SLAIN2: variants seen among roughly 807,000 people sequenced by gnomAD.
SLAIN2 encodes SLAIN motif-containing protein 2.
A neutral mutation model predicts 56.6 loss-of-function variants in SLAIN2; 31 were observed. That is an observed-to-expected ratio of 0.55 (90% CI 0.41 to 0.74). SLAIN2 has a LOEUF of 0.74. Ranked by LOEUF, SLAIN2 falls within the 30% of genes least tolerant of loss-of-function variation. SLAIN2 has a pLI of 0.00. For synonymous variants in SLAIN2, 317 were observed against 284.9 expected (o/e 1.11, Z -1.13); for missense variants, 777 against 754.2 (o/e 1.03, Z -0.35).
chr4:48,391,673 C>G (rs967560772), intron 6 of SLAIN2, among the ~76,000 whole-genome samples: 6 of 152,036 alleles, frequency 3.9e-5, no homozygotes, highest in African/African-American at 1.4e-4. Flanking sequence ...ATAGGGAGAC[C>G]ACAAAAAACA....
chr4:48,414,389 C>A (rs1716943251), intron 6 of SLAIN2, among the ~76,000 whole-genome samples: 1 of 152,048 alleles, frequency 6.6e-6, no homozygotes, highest in Admixed American at 6.5e-5. Flanking sequence ...GATAAGAAAG[C>A]CACAGATAAG....
At chr4:48,382,316 G>C (rs1342477193) in intron 4 of SLAIN2, among the ~76,000 whole-genome samples, 1 of 152,014 alleles carries the variant, frequency 6.6e-6, no homozygotes, top group African/African-American at 2.4e-5. Context: ...ACAGATTTCA[G>C]CTTTAAGAAG....
At chr4:48,409,304 A>G (rs1265706521) in intron 6 of SLAIN2, among the ~76,000 whole-genome samples, 1 of 151,960 alleles carries the variant, frequency 6.6e-6, no homozygotes, top group African/African-American at 2.4e-5. Flanking sequence ...TTTGGTATCC[A>G]TTAACCATCT....
At chr4:48,397,881 A>G (rs191753109) in intron 6 of SLAIN2, among the ~76,000 whole-genome samples, 34 of 152,192 alleles carry the variant, frequency 2.2e-4, no homozygotes, top group African/African-American at 8.2e-4. Context: ...TATATGTACC[A>G]CATTTTCTTT....
rs375763296 is a variant in SLAIN2, at chr4:48,421,174, C to G, written c.1679+731C>G. 2.4e-3 allele frequency among the ~76,000 whole-genome samples: 372 copies of G among 152,100 alleles called. 1 individual carries two copies. The highest frequency in any genetic ancestry group is 8.6e-3 in the African/African-American group (356 of 41,508). On this transcript the variant is annotated intron_variant, in intron 7 of 7. Coordinates refer to ENST00000264313, the MANE Select transcript of SLAIN2 (RefSeq NM_020846.2). ...GGGACTACAGGCGCACACCACCATG[C>G]CTGGCTAATTTTTGTAGAGATGGGG...
intron 5 of SLAIN2, among the ~76,000 whole-genome samples, 187 bp downstream of exon 5, chr4:48,383,114 G>A (rs1400606741): frequency 6.8e-6 from 1 of 147,572 alleles, no homozygotes; most frequent in Non-Finnish European, 1.5e-5. Context: ...GCTACAGTGA[G>A]CTGTGATCAC....
intron 1 of SLAIN2, among the ~76,000 whole-genome samples, chr4:48,357,828 T>C (rs1715201579): frequency 6.6e-6 from 1 of 152,156 alleles, no homozygotes; most frequent in Non-Finnish European, 1.5e-5. Flanking sequence ...GTGCTGGGAT[T>C]ACAGGCATGA....
chr4:48,364,759 G>T (rs1343151223), intron 1 of SLAIN2, among the ~76,000 whole-genome samples: 1 of 139,266 alleles, frequency 7.2e-6, no homozygotes, highest in Non-Finnish European at 1.6e-5. Flanking sequence ...CAGGCACTCC[G>T]CAGGCTGAGG....
At chr4:48,412,406 ACAC>A (rs1716885699) in intron 6 of SLAIN2, among the ~76,000 whole-genome samples, 2 of 53,380 alleles carry the variant, frequency 3.7e-5, no homozygotes, top group African/African-American at 1.2e-4. Context: ...ACACACACAC[ACAC>A]ACACACATTC....
chr4:48,349,040 C>A (rs919570628), intron 1 of SLAIN2, among the ~76,000 whole-genome samples: 1 of 152,162 alleles, frequency 6.6e-6, no homozygotes, highest in Non-Finnish European at 1.5e-5. Context: ...TTTTTCTCTT[C>A]CTCCTCTTAC....
rs140586436 is a variant in SLAIN2 at position 48,371,994 on chromosome 4, G to A, written c.538+1997G>A. On this transcript the variant is annotated intron_variant, in intron 2 of 7. Transcript: ENST00000264313. ...TATACACACACACACACACACGCGC[G>A]CACACACACACACACACATATACAT... Among the ~76,000 whole-genome samples, 1,279 of 139,192 alleles carry A rather than the reference G, an allele frequency of 9.2e-3. 19 individuals are homozygous for A. Among genetic ancestry groups the A allele is most frequent in the African/African-American group, 0.027 (1,019 of 38,452 alleles). 91.3% of individuals were successfully genotyped at this position (139,192 alleles called of 152,430 possible). A position where few individuals can be genotyped will look rare whatever the true frequency, so the allele number is the denominator to read the frequency against.
At chr4:48,383,275 ATAAG>A (rs1208622699) in intron 5 of SLAIN2, among the ~76,000 whole-genome samples, 7 of 152,048 alleles carry the variant, frequency 4.6e-5, no homozygotes, top group Non-Finnish European at 1.0e-4. Flanking sequence ...TGTATTTCAG[ATAAG>A]TAAATCAAGA....
intron 1 of SLAIN2, among the ~76,000 whole-genome samples, chr4:48,350,086 T>G (rs571492007): frequency 1.3e-5 from 2 of 152,342 alleles, no homozygotes; most frequent in Admixed American, 6.5e-5. Flanking sequence ...ATTAAAACAT[T>G]TATCAGATCT....
At chr4:48,402,976 T>C (rs778023533) in intron 6 of SLAIN2, among the ~76,000 whole-genome samples, 1 of 152,190 alleles carries the variant, frequency 6.6e-6, no homozygotes, top group African/African-American at 2.4e-5. Flanking sequence ...ATAGGGCTGC[T>C]ATGGTTTTCT....
chr4:48,418,296 T>G (rs1482517864), intron 6 of SLAIN2, among the ~76,000 whole-genome samples: 1 of 151,934 alleles, frequency 6.6e-6, no homozygotes, highest in Non-Finnish European at 1.5e-5. Context: ...AACTGTAGGG[T>G]TTTTGTAGAT....
Position 48,424,056 on chromosome 4 carries a change from A to T in SLAIN2, c.*1979A>T, listed in dbSNP as rs1432889688. The T allele has an allele frequency of 6.6e-6, 1 of 152,150 alleles. No individual in the cohort carries two copies. Among genetic ancestry groups the T allele is most frequent in the African/African-American group, 2.4e-5 (1 of 41,456 alleles). The allele number at this position is 152,150 out of a possible 1,614,324, so 9.4% of individuals were successfully genotyped here. ...TTTTACCTATTATGAAACATATTAC[A>T]TTTTTTAAGTTAGATAATCAGTTTC... On this transcript the variant is annotated 3_prime_UTR_variant, in exon 8 of 8. Transcript: ENST00000264313.
chr4:48,396,424 A>G (rs1037612080), intron 6 of SLAIN2, among the ~76,000 whole-genome samples: 2 of 152,236 alleles, frequency 1.3e-5, no homozygotes, highest in African/African-American at 4.8e-5. Flanking sequence ...CAGTTGAGAA[A>G]TGGACACAGA....
intron 1 of SLAIN2, among the ~76,000 whole-genome samples, chr4:48,355,456 T>A (rs1205406700): frequency 6.6e-6 from 1 of 152,202 alleles, no homozygotes; most frequent in African/African-American, 2.4e-5. Context: ...TAGGACAATG[T>A]CAATTCTAGT....
chr4:48,394,603 G>A lies in SLAIN2; in HGVS notation c.1360+10819G>A, dbSNP rs766653076. ...TCGCAAAGGCTGAAAAATTTGCCTC[G>A]CACTTCCCTCAAAGCCAAACAGTTG... On this transcript the variant is annotated intron_variant, in intron 6 of 7. Transcript: ENST00000264313. The A allele has an allele frequency of 1.9e-4, 288 of 1,535,590 alleles. 1 individual carries two copies. The highest frequency in any genetic ancestry group is 2.5e-4 in the Non-Finnish European group (281 of 1,146,708).
Sources: gnomAD v4.1 joint callset for allele counts (sites outside exome capture counted in the v4.1 genomes callset) on GRCh38, gnomAD v4.1.1 for gene constraint, MANE v1.5 for transcripts, NCBI Gene and HGNC (gene_info 2026-07-23, HGNC 2026-07-21) for gene names.